The following PRH1 variants were observed in gnomAD, a reference collection of about 807,000 sequenced individuals.
PRH1 encodes the protein proline rich protein HaeIII subfamily 1.
Under a neutral mutation model 7.9 loss-of-function variants are expected in PRH1, and 7 were observed. That is an observed-to-expected ratio of 0.89 (90% CI 0.50 to 1.67). The LOEUF (loss-of-function observed/expected upper bound fraction) is 1.67. PRH1 is among the 40% of genes most tolerant of loss of function. PRH1 has a pLI of 0.00. For missense variants in PRH1, 109 were observed against 223.6 expected, an observed-to-expected ratio of 0.49 and a Z score of 3.27; for synonymous variants, 45 against 80.8, an observed-to-expected ratio of 0.56 and a Z score of 2.38.
Position 11,110,930 on chromosome 12 carries a change from T to C in PRH1, n.123+60492A>G, listed in dbSNP as rs774909520. Among the ~76,000 whole-genome samples, 3 of 152,116 alleles carry C rather than the reference T, an allele frequency of 2.0e-5. No individual in the cohort carries two copies. In the South Asian group the frequency reaches 6.2e-4, roughly 32 times the overall value. On this transcript the variant is annotated intron_variant and non_coding_transcript_variant, in intron 1 of 4. Coordinates refer to the PRH1 transcript ENST00000541977. ...CCCATCTCATGTGCAAAGACACAAA[T>C]AGTCTCAACATAAAGGGATGGAGGA...
At chr12:11,060,117 C>CATTAAATA (rs1943523045) in intron 1 of PRH1, among the ~76,000 whole-genome samples, 27 of 143,170 alleles carry the variant, frequency 1.9e-4, no homozygotes, top group East Asian at 4.3e-4. Context: ...AGGTTTAAAT[C>CATTAAATA]ACATTTTTAA....
At chr12:11,135,768 A>G (rs1183224841) in intron 1 of PRH1, among the ~76,000 whole-genome samples, 1 of 152,142 alleles carries the variant, frequency 6.6e-6, no homozygotes, top group South Asian at 2.1e-4. Flanking sequence ...GGTGGCAAAT[A>G]AAATCATCTC....
chr12:10,902,811 AC>A (rs1949742398), intron 2 of PRH1, among the ~76,000 whole-genome samples: 1 of 152,140 alleles, frequency 6.6e-6, no homozygotes, highest in African/African-American at 2.4e-5. Context: ...TCTTTTATAG[AC>A]AAGCAAAGGG....
intron 1 of PRH1, among the ~76,000 whole-genome samples, chr12:11,054,791 GTTTCTTTTTTT>G (rs1943291929): frequency 9.1e-6 from 1 of 109,434 alleles, no homozygotes; most frequent in Non-Finnish European, 1.8e-5. Flanking sequence ...AGAATCTGAT[GTTTCTTTTTTT>G]TTTTTTTTTT....
intron 2 of PRH1, among the ~76,000 whole-genome samples, chr12:10,903,666 A>T (rs1949755610): frequency 6.6e-6 from 1 of 151,950 alleles, no homozygotes; most frequent in South Asian, 2.1e-4. Context: ...TAGTATTGAA[A>T]GTCCTAGCCA....
intron 1 of PRH1, among the ~76,000 whole-genome samples, chr12:11,154,608 G>T (rs1947198672): frequency 6.6e-6 from 1 of 152,172 alleles, no homozygotes; most frequent in Non-Finnish European, 1.5e-5. Context: ...GTCTTATTAT[G>T]CAGATGAAGT....
At chr12:10,919,020 T>C (rs1469285203) in intron 2 of PRH1, among the ~76,000 whole-genome samples, 1 of 152,180 alleles carries the variant, frequency 6.6e-6, no homozygotes, top group Non-Finnish European at 1.5e-5. Flanking sequence ...GCCTTTAATA[T>C]CATGTTTAAA....
At chr12:10,901,120 C>G (rs1591659792) in intron 2 of PRH1, among the ~76,000 whole-genome samples, 1 of 152,210 alleles carries the variant, frequency 6.6e-6, no homozygotes, top group African/African-American at 2.4e-5. Context: ...CTGCCTCACC[C>G]TTCCCGTTCA....
chr12:10,930,595 C>A (rs1385778518), intron 2 of PRH1: 28 of 1,599,352 alleles, frequency 1.8e-5, no homozygotes, highest in Admixed American at 8.5e-5. Context: ...GTGGTGAAGA[C>A]AGAGAGATAT....
At chr12:11,008,301 C>T (rs1365083682) in intron 1 of PRH1, among the ~76,000 whole-genome samples, 2 of 151,938 alleles carry the variant, frequency 1.3e-5, no homozygotes, top group African/African-American at 4.8e-5. Flanking sequence ...AGACATTTCT[C>T]CTAATTCAAA....
chr12:10,905,463 C>G lies in PRH1; in HGVS notation c.-58-21188G>C, dbSNP rs181267399. ...GGGCAGATACCTGTGGTCAGCAGTTCAAGACCAGCCTGGCCAACATGGTGA... is the reference window on the plus strand; with the variant it reads ...GGGCAGATACCTGTGGTCAGCAGTTGAAGACCAGCCTGGCCAACATGGTGA... On this transcript the variant is annotated intron_variant, in intron 2 of 3. Coordinates refer to the PRH1 transcript ENST00000539853. 2.7e-3 allele frequency among the ~76,000 whole-genome samples: 418 copies of G among 152,144 alleles called. 2 individuals are homozygous for G. Among genetic ancestry groups the G allele is most frequent in the African/African-American group, 9.7e-3 (401 of 41,506 alleles).
intron 1 of PRH1, among the ~76,000 whole-genome samples, chr12:10,989,655 A>T (rs945037105): frequency 6.6e-6 from 1 of 152,192 alleles, no homozygotes; most frequent in African/African-American, 2.4e-5. Context: ...ATTTAGACTT[A>T]TGCACATATT....
rs139253542 is a variant in PRH1, at chr12:10,922,825, C to CTTTTTTTTTTTTTTTTTTTTTTTTTTT, written c.-58-38551_-58-38550insAAAAAAAAAAAAAAAAAAAAAAAAAAA. Among the ~76,000 whole-genome samples the CTTTTTTTTTTTTTTTTTTTTTTTTTTT allele has an allele frequency of 1.8e-5, 2 of 113,550 alleles. 1 individual carries two copies. The highest frequency in any genetic ancestry group is 2.3e-4 in the Admixed American group (2 of 8,728). The allele number at this position is 113,550 out of a possible 152,430, so 74.5% of individuals were successfully genotyped here. A position where few individuals can be genotyped will look rare whatever the true frequency, so the allele number is the denominator to read the frequency against. On this transcript the variant is annotated intron_variant, in intron 2 of 3. Transcript: ENST00000539853. The stretch of plus-strand genomic sequence containing the variant: ...ATTGCATCTTTTCCATGAATTTTTT[C>CTTTTTTTTTTTTTTTTTTTTTTTTTTT]TTTTTCTTTTTTTTGAGACGGAGTC...
chr12:11,021,671 C>T (rs761692497), intron 1 of PRH1: 6 of 1,604,746 alleles, frequency 3.7e-6, no homozygotes, highest in South Asian at 1.1e-5. Flanking sequence ...TCTTCTTTCA[C>T]TCAGCGTGTC....
chr12:10,943,710 A>G (rs1950440188), intron 2 of PRH1, among the ~76,000 whole-genome samples: 1 of 151,992 alleles, frequency 6.6e-6, no homozygotes, highest in African/African-American at 2.4e-5. Flanking sequence ...TTCTTTTTAC[A>G]TTTAGGTCTT....
chr12:10,886,051 T>C (rs996285384), upstream of PRH1, among the ~76,000 whole-genome samples: 2 of 152,358 alleles, frequency 1.3e-5, no homozygotes, highest in South Asian at 2.1e-4. Context: ...GCATTCTTAA[T>C]TGGCAATTCT....
At chr12:10,909,101 C>T in intron 2 of PRH1, 1 of 1,613,586 alleles carries the variant, frequency 6.2e-7, no homozygotes, top group Non-Finnish European at 8.5e-7. Context: ...GAGCTAAAAA[C>T]CAACTTACTA....
upstream of PRH1, among the ~76,000 whole-genome samples, chr12:10,888,288 A>G (rs373414410): frequency 1.7e-4 from 26 of 152,270 alleles, no homozygotes; most frequent in African/African-American, 6.3e-4. Flanking sequence ...TTTGTCATGT[A>G]AGTTAATATA....
At chr12:10,893,902 C>G (rs534603985) in intron 2 of PRH1, among the ~76,000 whole-genome samples, 1 of 151,850 alleles carries the variant, frequency 6.6e-6, no homozygotes, top group Non-Finnish European at 1.5e-5. Context: ...CTTAAACTTG[C>G]GATTGTGTTC....
Sources: allele counts gnomAD v4.1 joint callset (sites outside exome capture counted in the v4.1 genomes callset), GRCh38; gene constraint gnomAD v4.1.1; transcripts MANE v1.5; gene names NCBI Gene and HGNC (gene_info 2026-07-23, HGNC 2026-07-21).